ULK4: variants seen among roughly 807,000 people sequenced by gnomAD.
ULK4 encodes the protein inactive serine/threonine-protein kinase ULK4.
ULK4 carries 133 observed loss-of-function variants against 160.6 expected under a neutral mutation model. The ratio of observed to expected loss-of-function variants is 0.83; its 90% CI spans 0.72 to 0.96. ULK4 has a LOEUF of 0.96. Ranked by LOEUF, ULK4 falls within the 40% of genes least tolerant of loss-of-function variation. ULK4 has a pLI of 0.00. For synonymous variants in ULK4, 534 were observed against 539.8 expected (o/e 0.99, Z 0.15); for missense variants, 1,580 against 1,499.5 (o/e 1.05, Z -0.89).
intron 21 of ULK4, among the ~76,000 whole-genome samples, chr3:41,758,076 G>C (rs1313859460): frequency 6.6e-6 from 1 of 152,052 alleles, no homozygotes; most frequent in Non-Finnish European, 1.5e-5. Flanking sequence ...AATGAGGTTG[G>C]TACCCTTATA....
At chr3:41,847,488 T>C (rs552477337) in intron 17 of ULK4, among the ~76,000 whole-genome samples, 2 of 152,336 alleles carry the variant, frequency 1.3e-5, no homozygotes, top group African/African-American at 4.8e-5. Flanking sequence ...AAAACCCTAC[T>C]TAACTACTCC....
At chr3:41,915,324 T>C (rs1226348348) in intron 8 of ULK4, 2 of 152,212 alleles carry the variant, frequency 1.3e-5, no homozygotes, top group Non-Finnish European at 2.9e-5. Context: ...TATGCTACAC[T>C]AAATTTATTC....
At chr3:41,556,224 G>A (rs1440969801) in intron 32 of ULK4, among the ~76,000 whole-genome samples, 1 of 151,990 alleles carries the variant, frequency 6.6e-6, no homozygotes, top group African/African-American at 2.4e-5. Context: ...ATGGTAATGG[G>A]GCAGTAACTT....
At chr3:41,870,171 G>A (rs1009449278) in intron 17 of ULK4, among the ~76,000 whole-genome samples, 7 of 152,206 alleles carry the variant, frequency 4.6e-5, no homozygotes, top group African/African-American at 9.6e-5. Context: ...TGACCATGAT[G>A]AGCCTAGATG....
chr3:41,355,299 T>C (rs2081007630), intron 35 of ULK4, among the ~76,000 whole-genome samples: 2 of 152,154 alleles, frequency 1.3e-5, no homozygotes, highest in African/African-American at 2.4e-5. Flanking sequence ...AGACTGGACC[T>C]GGGAAAGAGA....
At chr3:41,664,264 A>G (rs142265310) in intron 29 of ULK4, among the ~76,000 whole-genome samples, 60 of 152,310 alleles carry the variant, frequency 3.9e-4, no homozygotes, top group African/African-American at 1.2e-3. Flanking sequence ...TCACATTCAG[A>G]GACTCGCTAG....
intron 21 of ULK4, among the ~76,000 whole-genome samples, chr3:41,788,130 T>C (rs1418710619): frequency 6.6e-6 from 1 of 152,226 alleles, no homozygotes; most frequent in African/African-American, 2.4e-5. Context: ...GGCACAAATT[T>C]CTTAGCAGAA....
chr3:41,538,133 T>G (rs999281290), intron 32 of ULK4, among the ~76,000 whole-genome samples: 4 of 152,146 alleles, frequency 2.6e-5, no homozygotes, highest in Non-Finnish European at 5.9e-5. Context: ...TGGCAGTAAA[T>G]TCTCCAGCTT....
intron 21 of ULK4, among the ~76,000 whole-genome samples, chr3:41,784,189 C>T (rs1013762679): frequency 2.6e-5 from 4 of 152,108 alleles, no homozygotes; most frequent in Non-Finnish European, 4.4e-5. Flanking sequence ...AATCCCAGCA[C>T]TTTGGGAGGC....
intron 30 of ULK4, among the ~76,000 whole-genome samples, chr3:41,622,016 AT>A (rs1646137194): frequency 6.6e-6 from 1 of 152,204 alleles, no homozygotes; most frequent in African/African-American, 2.4e-5. Context: ...AAAAAGAGCC[AT>A]CATCACTGGT....
chr3:41,553,459 A>G (rs1180983063), intron 32 of ULK4, among the ~76,000 whole-genome samples: 5 of 152,154 alleles, frequency 3.3e-5, no homozygotes. Flanking sequence ...TCAAAAGAAG[A>G]CATAAAACCG....
At chr3:41,583,474 G>A (rs552831914) in intron 31 of ULK4, among the ~76,000 whole-genome samples, 92 of 152,170 alleles carry the variant, frequency 6.0e-4, no homozygotes, top group African/African-American at 1.9e-3. Context: ...TGAATACTTC[G>A]TTTTATATTT....
chr3:41,859,510 G>A (rs964949969), intron 17 of ULK4: 2 of 547,264 alleles, frequency 3.7e-6, no homozygotes, highest in African/African-American at 1.9e-5. Context: ...AGGACCCTTA[G>A]GGATAAACCA....
intron 32 of ULK4, among the ~76,000 whole-genome samples, chr3:41,470,763 T>A (rs142631636): frequency 6.6e-6 from 1 of 152,184 alleles, no homozygotes; most frequent in Non-Finnish European, 1.5e-5. Flanking sequence ...GTTAAGAAGT[T>A]AGCAGCTTGA....
chr3:41,297,305 G>A (rs1159607418), intron 35 of ULK4, among the ~76,000 whole-genome samples: 1 of 152,202 alleles, frequency 6.6e-6, no homozygotes. Context: ...GGGTTGGAGG[G>A]ACATGGCTTC....
intron 31 of ULK4, among the ~76,000 whole-genome samples, chr3:41,593,998 G>A (rs558672389): frequency 2.0e-4 from 31 of 152,130 alleles, no homozygotes; most frequent in African/African-American, 7.0e-4. Flanking sequence ...TGAGCTGAGG[G>A]AGCACCACTG....
intron 35 of ULK4, among the ~76,000 whole-genome samples, chr3:41,382,318 C>T (rs374836573): frequency 6.6e-6 from 1 of 152,124 alleles, no homozygotes; most frequent in African/African-American, 2.4e-5. Flanking sequence ...TCAATATTTA[C>T]TTGTTGAGTG....
chr3:41,926,816 G>A (rs1699403667), intron 5 of ULK4, among the ~76,000 whole-genome samples: 1 of 152,066 alleles, frequency 6.6e-6, no homozygotes, highest in Non-Finnish European at 1.5e-5. Flanking sequence ...GAATGAAAAG[G>A]AACAAACAAA....
chr3:41,904,986 G>A (rs1227746282), intron 12 of ULK4, among the ~76,000 whole-genome samples: 2 of 152,166 alleles, frequency 1.3e-5, no homozygotes, highest in Non-Finnish European at 2.9e-5. Flanking sequence ...TGAAGAAACT[G>A]ACAAGCTGAT....
Sources: allele counts gnomAD v4.1 joint callset (sites outside exome capture counted in the v4.1 genomes callset), GRCh38; gene constraint gnomAD v4.1.1; transcripts MANE v1.5; gene names NCBI Gene and HGNC (gene_info 2026-07-23, HGNC 2026-07-21).